Variants in AOAH observed in about 807,000 individuals in gnomAD.
AOAH encodes the protein acyloxyacyl hydrolase, also known as acyloxyacyl hydrolase (neutrophil).
A neutral mutation model predicts 92.2 loss-of-function variants in AOAH; 64 were observed. The ratio of observed to expected loss-of-function variants is 0.69; its 90% CI spans 0.57 to 0.86. AOAH has a LOEUF of 0.86. Ranked by LOEUF, AOAH falls within the 40% of genes least tolerant of loss-of-function variation. The pLI, the probability that AOAH is intolerant of heterozygous loss-of-function variation, is 0.00. For synonymous variants in AOAH, 263 were observed against 254.5 expected (o/e 1.03, Z -0.32); for missense variants, 656 against 694.6 (o/e 0.94, Z 0.62).
intron 12 of AOAH, among the ~76,000 whole-genome samples, chr7:36,592,421 A>G (rs1003236971): frequency 6.6e-6 from 1 of 152,200 alleles, no homozygotes; most frequent in Non-Finnish European, 1.5e-5. Flanking sequence ...ATGATGGGTC[A>G]CTGAAATAGT....
At chr7:36,518,907 A>T (rs755809563) in intron 20 of AOAH, among the ~76,000 whole-genome samples, 3 of 152,300 alleles carry the variant, frequency 2.0e-5, no homozygotes, top group Non-Finnish European at 4.4e-5. Context: ...AGTGGGCAGG[A>T]TCTATACTGA....
Position 36,650,677 on chromosome 7 carries a change from C to T in AOAH, c.390+8489G>A, listed in dbSNP as rs1794520410. Among the ~76,000 whole-genome samples the T allele has an allele frequency of 3.3e-5, 5 of 152,216 alleles. No individual in the cohort carries two copies. In the South Asian group the frequency reaches 1.0e-3, roughly 32 times the overall value. On this transcript the variant is annotated intron_variant, in intron 4 of 20. Transcript: ENST00000617537. ...TCTCAAAGAAGCCGAATGCTTTGAACTCTCATATAGTCCACTGAGACCAGA... is the reference window on the plus strand; with the variant it reads ...TCTCAAAGAAGCCGAATGCTTTGAATTCTCATATAGTCCACTGAGACCAGA...
chr7:36,537,748 C>A (rs1157580600), intron 16 of AOAH, among the ~76,000 whole-genome samples: 1 of 151,962 alleles, frequency 6.6e-6, no homozygotes, highest in African/African-American at 2.4e-5. Flanking sequence ...GCCTTGAACT[C>A]CTGACCTCAG....
At chr7:36,701,244 A>G (rs963786152) in intron 1 of AOAH, among the ~76,000 whole-genome samples, 6 of 151,928 alleles carry the variant, frequency 3.9e-5, no homozygotes, top group African/African-American at 1.4e-4. Context: ...AGAATGGTCC[A>G]TGAATACTTT....
intron 11 of AOAH, among the ~76,000 whole-genome samples, chr7:36,597,538 T>G (rs1447797558): frequency 6.6e-6 from 1 of 152,218 alleles, no homozygotes; most frequent in Non-Finnish European, 1.5e-5. Flanking sequence ...GCTTGCGAGA[T>G]GCAGGCAGAA....
intron 1 of AOAH, among the ~76,000 whole-genome samples, chr7:36,694,202 C>T (rs1797573182): frequency 6.6e-6 from 1 of 152,090 alleles, no homozygotes; most frequent in South Asian, 2.1e-4. Context: ...CTGTGAAAGC[C>T]TAATGCACTC....
intron 18 of AOAH, 73 bp from the exon 19 acceptor site, chr7:36,530,587 C>A (rs1784636902): frequency 3.0e-6 from 3 of 990,982 alleles, no homozygotes; most frequent in Non-Finnish European, 4.8e-6. Context: ...TCAGGCAGAA[C>A]AAAGAAATCG....
At chr7:36,642,100 C>T (rs1793955502) in intron 4 of AOAH, among the ~76,000 whole-genome samples, 1 of 152,018 alleles carries the variant, frequency 6.6e-6, no homozygotes, top group African/African-American at 2.4e-5. Context: ...CCTGCAGAAG[C>T]TCAGAATGTG....
intron 11 of AOAH, among the ~76,000 whole-genome samples, chr7:36,611,261 G>C (rs1249413203): frequency 1.3e-5 from 2 of 152,122 alleles, no homozygotes; most frequent in African/African-American, 2.4e-5. Context: ...CTGTAGTGTT[G>C]TTCCTCCTAC....
chr7:36,707,063 C>G (rs1428920824), intron 1 of AOAH, among the ~76,000 whole-genome samples: 2 of 123,350 alleles, frequency 1.6e-5, no homozygotes, highest in Non-Finnish European at 3.4e-5. Context: ...TTGGCATTCA[C>G]CACTTGGCTA....
At chr7:36,526,239 GT>G (rs1363771083) in intron 19 of AOAH, among the ~76,000 whole-genome samples, 1 of 151,894 alleles carries the variant, frequency 6.6e-6, no homozygotes, top group African/African-American at 2.4e-5. Flanking sequence ...ACTACAACCT[GT>G]TTATTTACAG....
At chr7:36,688,834 C>CAT (rs557481433) in intron 1 of AOAH, among the ~76,000 whole-genome samples, 127 of 137,302 alleles carry the variant, frequency 9.2e-4, no homozygotes, top group Non-Finnish European at 1.5e-3. Context: ...TGTATATATA[C>CAT]ATATATATAT....
At chr7:36,528,452 C>A (rs1784515452) in intron 19 of AOAH, among the ~76,000 whole-genome samples, 1 of 152,188 alleles carries the variant, frequency 6.6e-6, no homozygotes, top group Non-Finnish European at 1.5e-5. Context: ...TCTCTATATC[C>A]TCCACAGAGA....
chr7:36,641,306 A>G (rs1431756222), intron 4 of AOAH, among the ~76,000 whole-genome samples: 1 of 152,184 alleles, frequency 6.6e-6, no homozygotes, highest in Non-Finnish European at 1.5e-5. Flanking sequence ...TTCACCCGGG[A>G]ACTGCCATTC....
chr7:36,671,215 T>C (rs1033610228), intron 3 of AOAH, among the ~76,000 whole-genome samples: 1 of 152,224 alleles, frequency 6.6e-6, no homozygotes, highest in Admixed American at 6.5e-5. Flanking sequence ...TCTGTAATCA[T>C]ACTTTTTTTA....
intron 5 of AOAH, among the ~76,000 whole-genome samples, chr7:36,634,295 G>A (rs1292854269): frequency 6.6e-6 from 1 of 152,028 alleles, no homozygotes; most frequent in Non-Finnish European, 1.5e-5. Context: ...CCACACCCTG[G>A]GCCTGGTAGT....
At chr7:36,561,103 C>T (rs181918539) in intron 13 of AOAH, among the ~76,000 whole-genome samples, 8 of 146,730 alleles carry the variant, frequency 5.5e-5, no homozygotes, top group East Asian at 2.0e-4. Flanking sequence ...AGTGCAGTGG[C>T]GGATCTTGGC....
intron 13 of AOAH, among the ~76,000 whole-genome samples, chr7:36,561,541 C>A (rs946098607): frequency 6.6e-6 from 1 of 152,124 alleles, no homozygotes; most frequent in Non-Finnish European, 1.5e-5. Context: ...AGCACAGCCC[C>A]CATGCGCTGT....
chr7:36,592,193 G>A (rs1223088409), intron 12 of AOAH, among the ~76,000 whole-genome samples: 1 of 152,170 alleles, frequency 6.6e-6, no homozygotes, highest in African/African-American at 2.4e-5. Flanking sequence ...TGACTAGACT[G>A]GGTGGAGGGC....
Sources: gnomAD v4.1 joint callset for allele counts (sites outside exome capture counted in the v4.1 genomes callset) on GRCh38, gnomAD v4.1.1 for gene constraint, MANE v1.5 for transcripts, NCBI Gene and HGNC (gene_info 2026-07-23, HGNC 2026-07-21) for gene names.